ITGA8: variants seen among roughly 807,000 people sequenced by gnomAD.
ITGA8 encodes the protein integrin alpha-8.
Under a neutral mutation model 142.3 loss-of-function variants are expected in ITGA8, and 91 were observed. That is an observed-to-expected ratio of 0.64 (90% confidence interval 0.54 to 0.76). The LOEUF (loss-of-function observed/expected upper bound fraction) is 0.76. Among genes scored for constraint, ITGA8 ranks in the 30% least tolerant of loss-of-function variants. The probability of loss-of-function intolerance (pLI) is 0.00; values close to 1 mark genes in which losing one functional copy is unlikely to be tolerated. For synonymous variants in ITGA8, 505 were observed against 485.2 expected (o/e 1.04, Z -0.54); for missense variants, 1,406 against 1,327.7 (o/e 1.06, Z -0.92).
intron 25 of ITGA8, among the ~76,000 whole-genome samples, chr10:15,562,236 A>G (rs1462448860): frequency 6.6e-6 from 1 of 152,212 alleles, no homozygotes; most frequent in Non-Finnish European, 1.5e-5. Flanking sequence ...TAGGAAGGAC[A>G]GAGAGAGTGG....
chr10:15,687,207 T>A (rs1320789789), intron 3 of ITGA8, among the ~76,000 whole-genome samples: 2 of 152,132 alleles, frequency 1.3e-5, no homozygotes, highest in Admixed American at 6.5e-5. Flanking sequence ...ATACTTATTC[T>A]TATTAAATCA....
intron 13 of ITGA8, among the ~76,000 whole-genome samples, chr10:15,633,519 C>T (rs111597416): frequency 0.025 from 3,855 of 152,172 alleles, 148 homozygotes; most frequent in African/African-American, 0.087. Context: ...CTGCAACCTC[C>T]GCCTCTCAGG....
intron 21 of ITGA8, among the ~76,000 whole-genome samples, chr10:15,593,764 T>G (rs1832963451): frequency 1.3e-5 from 2 of 152,172 alleles, no homozygotes; most frequent in Non-Finnish European, 2.9e-5. Context: ...GTTTTCTCAT[T>G]TCAGTGTGAC....
At chr10:15,554,190 A>T (rs1833843820) in intron 26 of ITGA8, among the ~76,000 whole-genome samples, 1 of 152,162 alleles carries the variant, frequency 6.6e-6, no homozygotes. Context: ...AATGGAAAGG[A>T]AGTTAATTTA....
chr10:15,678,279 C>T (rs1834669824), intron 5 of ITGA8, among the ~76,000 whole-genome samples: 2 of 152,220 alleles, frequency 1.3e-5, no homozygotes, highest in South Asian at 2.1e-4. Flanking sequence ...AATCTTTTCC[C>T]TCTACATTCT....
intron 11 of ITGA8, among the ~76,000 whole-genome samples, chr10:15,654,916 A>G (rs771347720): frequency 6.6e-6 from 1 of 152,188 alleles, no homozygotes; most frequent in East Asian, 1.9e-4. Flanking sequence ...GTAATTTACT[A>G]CTGTAATCTG....
chr10:15,535,734 G>A (rs867691389), intron 27 of ITGA8, among the ~76,000 whole-genome samples: 6 of 152,214 alleles, frequency 3.9e-5, no homozygotes, highest in Middle Eastern at 3.4e-3. Context: ...GATGTGGGTG[G>A]GGCCAGATAA....
Position 15,586,837 on chromosome 10 carries a change from A to G in ITGA8, c.2292-173T>C, listed in dbSNP as rs190895637. On this transcript the variant is annotated intron_variant, in intron 22 of 29. Transcript: ENST00000378076. ...GTAACCATTTGTACAGAGAAATGCTAAGATCTTTTATGATCAATAGTAATG... is the reference window on the plus strand; with the variant it reads ...GTAACCATTTGTACAGAGAAATGCTGAGATCTTTTATGATCAATAGTAATG... Among the ~76,000 whole-genome samples, 8 of 152,376 alleles carry G rather than the reference A, an allele frequency of 5.3e-5. No individual in the cohort carries two copies. In the East Asian group the frequency reaches 1.3e-3, roughly 26 times the overall value.
chr10:15,535,166 TC>T (rs1833399735), intron 27 of ITGA8, among the ~76,000 whole-genome samples: 1 of 151,988 alleles, frequency 6.6e-6, no homozygotes, highest in African/African-American at 2.4e-5. Flanking sequence ...CTTAGCTGCC[TC>T]CCCCAGGGGC....
In ITGA8 at chr10:15,661,633, T is replaced by G. The variant is rs573265901; in HGVS notation, c.848-711A>C. Among the ~76,000 whole-genome samples the G allele has an allele frequency of 7.9e-5, 12 of 152,336 alleles. No individual in the cohort carries two copies. The South Asian group carries it at 2.5e-3, about 32-fold the overall frequency. ...TTATAAATTAGACTTCTTACTCTGA[T>G]TCTTCCAGCTTTTACTATAGTGACA... On this transcript the variant is annotated intron_variant, in intron 8 of 29. Coordinates refer to ENST00000378076, the MANE Select transcript of ITGA8 (RefSeq NM_003638.3).
chr10:15,518,871 G>C (rs1360095062), intron 29 of ITGA8, among the ~76,000 whole-genome samples: 1 of 152,294 alleles, frequency 6.6e-6, no homozygotes, highest in Admixed American at 6.5e-5. Flanking sequence ...AATTGCATTT[G>C]CATAGTGCTT....
chr10:15,624,734 A>C (rs1209085523), intron 13 of ITGA8, among the ~76,000 whole-genome samples: 2 of 152,190 alleles, frequency 1.3e-5, no homozygotes, highest in African/African-American at 4.8e-5. Context: ...AGACGAACTA[A>C]GGCCATCAAG....
chr10:15,625,638 C>T (rs183644180), intron 13 of ITGA8, among the ~76,000 whole-genome samples: 1 of 152,304 alleles, frequency 6.6e-6, no homozygotes, highest in African/African-American at 2.4e-5. Flanking sequence ...TTGATGATTT[C>T]GCTAAGTGTT....
intron 20 of ITGA8, among the ~76,000 whole-genome samples, chr10:15,599,415 C>T (rs531050171): frequency 6.6e-6 from 1 of 152,220 alleles, no homozygotes; most frequent in East Asian, 1.9e-4. Context: ...CTTGTCCTCA[C>T]TGAATTCTTA....
At chr10:15,563,654 C>T (rs1289101693) in intron 25 of ITGA8, among the ~76,000 whole-genome samples, 1 of 152,168 alleles carries the variant, frequency 6.6e-6, no homozygotes, top group Non-Finnish European at 1.5e-5. Flanking sequence ...GTGGCTCACG[C>T]CGGTAATCCC....
At chr10:15,577,547 T>C (rs998541528) in intron 23 of ITGA8, among the ~76,000 whole-genome samples, 1 of 152,080 alleles carries the variant, frequency 6.6e-6, no homozygotes, top group Non-Finnish European at 1.5e-5. Flanking sequence ...AAGAAATATA[T>C]AATCTATCAA....
intron 27 of ITGA8, among the ~76,000 whole-genome samples, chr10:15,538,511 C>CAAAAA (rs1728251925): frequency 3.0e-5 from 1 of 33,538 alleles, no homozygotes; most frequent in Non-Finnish European, 6.8e-5. Flanking sequence ...GACTCCGTCT[C>CAAAAA]GAAAAAAAAA....
At chr10:15,563,863 G>A (rs1393640914) in intron 25 of ITGA8, among the ~76,000 whole-genome samples, 1 of 151,850 alleles carries the variant, frequency 6.6e-6, no homozygotes, top group African/African-American at 2.4e-5. Context: ...GCTGCCATGA[G>A]CCAAGATAGT....
chr10:15,667,248 AT>A (rs1834413182), intron 8 of ITGA8, among the ~76,000 whole-genome samples: 3 of 152,014 alleles, frequency 2.0e-5, no homozygotes, highest in Non-Finnish European at 4.4e-5. Context: ...TAGTCTTGGG[AT>A]GATGTATGTG....
Sources: gnomAD v4.1 joint callset for allele counts (sites outside exome capture counted in the v4.1 genomes callset) on GRCh38, gnomAD v4.1.1 for gene constraint, MANE v1.5 for transcripts, NCBI Gene and HGNC (gene_info 2026-07-23, HGNC 2026-07-21) for gene names.